The following ROPN1B variants were observed in gnomAD, a reference collection of about 807,000 sequenced individuals.
ROPN1B encodes ropporin-1B.
In ROPN1B, 13 loss-of-function variants were observed where a neutral mutation model predicts 23.7. That is an observed-to-expected ratio of 0.55 (90% CI 0.36 to 0.87). ROPN1B has a LOEUF of 0.87. Ranked by LOEUF, ROPN1B falls within the 40% of genes least tolerant of loss-of-function variation. The probability of loss-of-function intolerance (pLI) is 0.01; values close to 1 mark genes in which losing one functional copy is unlikely to be tolerated. For missense variants in ROPN1B, 183 were observed against 249.2 expected, an observed-to-expected ratio of 0.73 and a Z score of 1.79; for synonymous variants, 67 against 100.4, an observed-to-expected ratio of 0.67 and a Z score of 1.99.
chr3:125,982,235 A>C (rs754143748), intron 5 of ROPN1B, 35 bp from the exon 6 acceptor site: 1 of 1,523,258 alleles, frequency 6.6e-7, no homozygotes, highest in African/African-American at 1.4e-5. Flanking sequence ...TGCCTGGAAG[A>C]GTAACTTTCT....
chr3:125,980,592 C>A (rs1461589973), intron 5 of ROPN1B, among the ~76,000 whole-genome samples: 1 of 152,138 alleles, frequency 6.6e-6, no homozygotes, highest in African/African-American at 2.4e-5. Flanking sequence ...TTTAACTTAT[C>A]TTTTTAAAGG....
chr3:125,970,563 TG>T (rs1259422599), intron 1 of ROPN1B, among the ~76,000 whole-genome samples: 2 of 152,200 alleles, frequency 1.3e-5, no homozygotes, highest in African/African-American at 4.8e-5. Flanking sequence ...AGGCATGTTT[TG>T]TTTGCTTTTT....
At chr3:125,973,176 G>C in intron 3 of ROPN1B, 1 of 347,688 alleles carries the variant, frequency 2.9e-6, no homozygotes, top group South Asian at 2.1e-5. Context: ...AGTGAGTTGG[G>C]GAAGGGAAGA....
intron 5 of ROPN1B, among the ~76,000 whole-genome samples, chr3:125,978,241 G>T (rs1362988784): frequency 6.6e-6 from 1 of 151,366 alleles, no homozygotes; most frequent in Non-Finnish European, 1.5e-5. Context: ...ATCAGGACGG[G>T]AAAATCACAA....
intron 3 of ROPN1B, chr3:125,972,788 C>T (rs1938264427): frequency 2.7e-6 from 1 of 365,048 alleles, no homozygotes; most frequent in African/African-American, 2.1e-5. Flanking sequence ...TAATGATGTC[C>T]TCACAGTACA....
intron 4 of ROPN1B, 105 bp from the exon 5 acceptor site, chr3:125,976,899 C>A: frequency 2.8e-6 from 2 of 723,158 alleles, no homozygotes; most frequent in Non-Finnish European, 5.1e-6. Context: ...CGCCCCTTGC[C>A]ATGTGCTGGG....
intron 5 of ROPN1B, 119 bp from the exon 6 acceptor site, chr3:125,982,151 A>G: frequency 2.5e-6 from 2 of 806,232 alleles, no homozygotes; most frequent in Non-Finnish European, 3.8e-6. Context: ...TAGAATCTTA[A>G]ATTGTTCCCA....
At chr3:125,976,754 T>C in intron 4 of ROPN1B, 2 of 697,004 alleles carry the variant, frequency 2.9e-6, no homozygotes, top group African/African-American at 1.8e-5. Flanking sequence ...AAATGTAATA[T>C]AAATGTATAT....
At position 125,971,796 on chromosome 3, in the gene ROPN1B, T is replaced by C. The variant is rs149819719; in HGVS notation, c.-12-247T>C. Reference sequence around the variant, plus strand: ...GTGATACCATTAGGGATTTTTTTGTTGACTTCCACTTTTTAAATAAAAAAG... The same window carrying C: ...GTGATACCATTAGGGATTTTTTTGTCGACTTCCACTTTTTAAATAAAAAAG... On this transcript the variant is annotated intron_variant, in intron 2 of 6. Coordinates refer to ENST00000514116, the MANE Select transcript of ROPN1B (RefSeq NM_001308313.2). Among the ~76,000 whole-genome samples, 321 of 152,366 alleles carry C rather than the reference T, an allele frequency of 2.1e-3. 8 individuals are homozygous for C. The East Asian group carries it at 0.054, about 26-fold the overall frequency.
intron 2 of ROPN1B, among the ~76,000 whole-genome samples, chr3:125,971,436 G>A (rs188860119): frequency 4.6e-5 from 7 of 152,188 alleles, no homozygotes; most frequent in African/African-American, 1.7e-4. Context: ...TTCATGTTTT[G>A]TTTCAATTTG....
At position 125,982,323 on chromosome 3, in the gene ROPN1B, T is replaced by A; in HGVS notation, c.450T>A (p.Asn150Lys). 3 of 1,613,406 alleles carry A rather than the reference T, an allele frequency of 1.9e-6. No homozygotes were observed. The highest frequency in any genetic ancestry group is 2.5e-6 in the Non-Finnish European group (3 of 1,179,666). ...GTGAGGTCTTATCATGTGACCACAA[T>A]GGTGGGTTGCCCCGAATCCCATTCA... ...IVCEVLSCDHNGGLPRIPFST... is the reference protein window; with the variant it reads ...IVCEVLSCDHKGGLPRIPFST... The change falls in exon 6 of 7, where the codon AAT becomes AAA. Residue 150 changes from asparagine (N) to lysine (K), a missense_variant. This residue lies in a region of ROPN1B where 80 missense variants were observed against 98.0 expected (regional missense o/e 0.82). Transcript: ENST00000514116.
At chr3:125,976,149 G>C (rs1309633753) in intron 4 of ROPN1B, among the ~76,000 whole-genome samples, 1 of 152,188 alleles carries the variant, frequency 6.6e-6, no homozygotes, top group Non-Finnish European at 1.5e-5. Context: ...CCTGGTGAAT[G>C]AATGCATGAG....
intron 5 of ROPN1B, among the ~76,000 whole-genome samples, chr3:125,980,154 C>A (rs1186065990): frequency 1.3e-5 from 2 of 152,132 alleles, no homozygotes; most frequent in Non-Finnish European, 2.9e-5. Flanking sequence ...AAATATTGTG[C>A]AAGAGAATGA....
At chr3:125,976,782 C>G (rs1352742660) in intron 4 of ROPN1B, 1 of 740,808 alleles carries the variant, frequency 1.3e-6, no homozygotes, top group African/African-American at 1.7e-5. Context: ...ATAATTCTGA[C>G]ACCTAAAGTT....
chr3:125,978,804 C>T (rs2107605955), intron 5 of ROPN1B, among the ~76,000 whole-genome samples: 1 of 152,250 alleles, frequency 6.6e-6, no homozygotes, highest in African/African-American at 2.4e-5. Context: ...ACTTCACAGC[C>T]CCTCACCAGT....
At chr3:125,972,606 A>G in intron 3 of ROPN1B, 1 of 348,522 alleles carries the variant, frequency 2.9e-6, no homozygotes, top group Non-Finnish European at 5.3e-6. Flanking sequence ...GGGAAGCGAC[A>G]GCCCTGGGTG....
At chr3:125,983,081 T>G (rs1398283797) in intron 6 of ROPN1B, among the ~76,000 whole-genome samples, 173 bp from the exon 7 acceptor site, 4 of 152,136 alleles carry the variant, frequency 2.6e-5, no homozygotes, top group African/African-American at 9.7e-5. Context: ...TGAGCCGAGA[T>G]TGCATCACTT....
chr3:125,980,572 C>T (rs1201349167), intron 5 of ROPN1B, among the ~76,000 whole-genome samples: 14 of 152,190 alleles, frequency 9.2e-5, no homozygotes, highest in Non-Finnish European at 4.4e-5. Context: ...AGACACCCTA[C>T]TGACTTCATT....
chr3:125,971,913 T>A, intron 2 of ROPN1B, 130 bp from the exon 3 acceptor site: 1 of 701,826 alleles, frequency 1.4e-6, no homozygotes, highest in South Asian at 2.5e-5. Context: ...TGTGTAACAA[T>A]AGAATGCATT....
Sources: gnomAD v4.1 joint callset for allele counts (sites outside exome capture counted in the v4.1 genomes callset) on GRCh38, gnomAD v4.1.1 for gene constraint, gnomAD v4.1.1 regional missense constraint, MANE v1.5 for transcripts, NCBI Gene and HGNC (gene_info 2026-07-23, HGNC 2026-07-21) for gene names.